The following RHOT1 variants were observed in gnomAD, a reference collection of about 807,000 sequenced individuals.
RHOT1 encodes ras homolog family member T1.
Under a neutral mutation model 95.3 loss-of-function variants are expected in RHOT1, and 27 were observed. That is an observed-to-expected ratio of 0.28 (90% CI 0.21 to 0.39). The LOEUF (loss-of-function observed/expected upper bound fraction) is 0.39, where lower values mean the gene tolerates loss of function less well. Among genes scored for constraint, RHOT1 ranks in the 10% least tolerant of loss-of-function variants. The probability of loss-of-function intolerance (pLI) is 1.00; values close to 1 mark genes in which losing one functional copy is unlikely to be tolerated. For synonymous variants in RHOT1, 227 were observed against 263.5 expected (o/e 0.86, Z 1.34); for missense variants, 578 against 786.7 (o/e 0.73, Z 3.17).
chr17:32,199,968 A>C (rs548857551), intron 13 of RHOT1, among the ~76,000 whole-genome samples: 18 of 132,338 alleles, frequency 1.4e-4, no homozygotes, highest in Non-Finnish European at 2.2e-4. Context: ...TTTGAGATGG[A>C]GTCTCACTCT....
At chr17:32,222,573 A>G (rs1401279023) in intron 19 of RHOT1, among the ~76,000 whole-genome samples, 2 of 150,212 alleles carry the variant, frequency 1.3e-5, no homozygotes, top group South Asian at 2.1e-4. Flanking sequence ...ATACAGATAG[A>G]TTTTTTTTTT....
intron 6 of RHOT1, among the ~76,000 whole-genome samples, chr17:32,178,468 A>C (rs1009957917): frequency 6.6e-6 from 1 of 152,150 alleles, no homozygotes; most frequent in Non-Finnish European, 1.5e-5. Flanking sequence ...CTGGGATTGC[A>C]GACGGAGTCT....
chr17:32,175,237 A>G, intron 3 of RHOT1, 82 bp from the exon 4 acceptor site: 2 of 1,110,248 alleles, frequency 1.8e-6, no homozygotes, highest in Non-Finnish European at 2.8e-6. Context: ...ATGTTAGATG[A>G]GTGTTGCATA....
intron 8 of RHOT1, among the ~76,000 whole-genome samples, chr17:32,188,362 A>G (rs1168537289): frequency 6.6e-6 from 1 of 152,234 alleles, no homozygotes; most frequent in East Asian, 1.9e-4. Flanking sequence ...TTAACCTTCA[A>G]TTGGAATTGA....
chr17:32,201,141 CT>C, intron 14 of RHOT1, 85 bp downstream of exon 14: 1 of 741,828 alleles, frequency 1.3e-6, no homozygotes, highest in Non-Finnish European at 2.2e-6. Flanking sequence ...TAAGAATACA[CT>C]CATCTTCATT....
At chr17:32,143,274 C>T (rs565053284) in intron 1 of RHOT1, 1 of 363,540 alleles carries the variant, frequency 2.8e-6, no homozygotes, top group East Asian at 7.3e-5. Flanking sequence ...TTTTTTGGCA[C>T]TCGCAGTCTT....
At chr17:32,162,328 ATGCTCTG>A (rs370721415) in intron 1 of RHOT1, among the ~76,000 whole-genome samples, 13 of 152,212 alleles carry the variant, frequency 8.5e-5, no homozygotes, top group African/African-American at 3.1e-4. Flanking sequence ...AGGGATTCTG[ATGCTCTG>A]TGCCAGAAGC....
At chr17:32,200,258 C>T (rs916387580) in intron 13 of RHOT1, among the ~76,000 whole-genome samples, 16 of 151,662 alleles carry the variant, frequency 1.1e-4, no homozygotes, top group Non-Finnish European at 2.2e-4. Context: ...TGTTGTAGTT[C>T]AGTCTTCAGG....
At chr17:32,156,999 G>C (rs9910037) in intron 1 of RHOT1, among the ~76,000 whole-genome samples, 2,004 of 152,342 alleles carry the variant, frequency 0.013, 43 homozygotes, top group African/African-American at 0.046. Context: ...GCCTGAAGAA[G>C]CACAGCTAGT....
intron 6 of RHOT1, among the ~76,000 whole-genome samples, chr17:32,180,949 T>A (rs2035588963): frequency 6.6e-6 from 1 of 152,234 alleles, no homozygotes. Flanking sequence ...CCTCCCAAAG[T>A]GCTGAAATTA....
At chr17:32,147,265 G>A (rs564639870) in intron 1 of RHOT1, among the ~76,000 whole-genome samples, 2 of 151,810 alleles carry the variant, frequency 1.3e-5, no homozygotes, top group South Asian at 4.2e-4. Context: ...GGCTGGTTTT[G>A]AACTCCTGAC....
chr17:32,171,228 T>A (rs2034547460), intron 2 of RHOT1, 127 bp downstream of exon 2: 1 of 627,606 alleles, frequency 1.6e-6, no homozygotes, highest in Admixed American at 3.2e-5. Context: ...CTTTTTTTTC[T>A]CCCTTCTTTA....
At chr17:32,156,656 T>C (rs2032997326) in intron 1 of RHOT1, among the ~76,000 whole-genome samples, 1 of 152,268 alleles carries the variant, frequency 6.6e-6, no homozygotes, top group African/African-American at 2.4e-5. Context: ...GCCGTAAGCA[T>C]TTAGATAACA....
At chr17:32,202,492 A>C (rs2142850236) in intron 14 of RHOT1, among the ~76,000 whole-genome samples, 1 of 152,316 alleles carries the variant, frequency 6.6e-6, no homozygotes, top group Admixed American at 6.5e-5. Context: ...TTCCTTATGA[A>C]AATATACTAT....
intron 8 of RHOT1, among the ~76,000 whole-genome samples, chr17:32,185,467 G>C (rs2035972415): frequency 6.6e-6 from 1 of 152,030 alleles, no homozygotes. Context: ...GAGTGCAGTA[G>C]CACAATCACA....
intron 1 of RHOT1, among the ~76,000 whole-genome samples, chr17:32,163,677 C>G (rs1242169178): frequency 6.6e-6 from 1 of 151,322 alleles, no homozygotes; most frequent in Non-Finnish European, 1.5e-5. Flanking sequence ...TTGCAGTGAG[C>G]TGAGATCGTG....
intron 1 of RHOT1, among the ~76,000 whole-genome samples, chr17:32,169,602 G>C (rs902852153): frequency 6.6e-6 from 1 of 152,164 alleles, no homozygotes; most frequent in African/African-American, 2.4e-5. Flanking sequence ...CGTTTTTGGA[G>C]ATAATTTAAC....
chr17:32,200,325 A>C (rs555700934), intron 13 of RHOT1, among the ~76,000 whole-genome samples: 1 of 152,158 alleles, frequency 6.6e-6, no homozygotes, highest in South Asian at 2.1e-4. Flanking sequence ...GGTAGATCGC[A>C]TAAAATATCC....
chr17:32,149,728 C>CAT (rs985425160), intron 1 of RHOT1, among the ~76,000 whole-genome samples: 14 of 141,072 alleles, frequency 9.9e-5, no homozygotes, highest in South Asian at 2.1e-4. Context: ...TATATATACA[C>CAT]ATATATATAC....
Sources: allele counts gnomAD v4.1 joint callset (sites outside exome capture counted in the v4.1 genomes callset), GRCh38; gene constraint gnomAD v4.1.1; transcripts MANE v1.5; gene names NCBI Gene and HGNC (gene_info 2026-07-23, HGNC 2026-07-21).